Variants in THBS4 observed in about 807,000 individuals in gnomAD.
The protein encoded by THBS4 is thrombospondin 4, also known as thrombospondin-4.
A neutral mutation model predicts 115.7 loss-of-function variants in THBS4; 90 were observed. The ratio of observed to expected loss-of-function variants is 0.78; its 90% CI spans 0.66 to 0.93. THBS4 has a LOEUF of 0.93. THBS4 is among the 40% of genes least tolerant of loss of function. THBS4 has a pLI of 0.00. For synonymous variants in THBS4, 460 were observed against 479.3 expected, an observed-to-expected ratio of 0.96 and a Z score of 0.53; for missense variants, 1,087 against 1,232.7, an observed-to-expected ratio of 0.88 and a Z score of 1.77.
At chr5:80,065,883 G>A (rs1028240359) in intron 9 of THBS4, among the ~76,000 whole-genome samples, 3 of 152,000 alleles carry the variant, frequency 2.0e-5, no homozygotes, top group Non-Finnish European at 4.4e-5. Context: ...ATGGGGTCAG[G>A]AGATCGAGAC....
intron 2 of THBS4, among the ~76,000 whole-genome samples, chr5:80,040,915 G>A (rs1034470189): frequency 3.3e-5 from 5 of 152,104 alleles, no homozygotes; most frequent in Non-Finnish European, 5.9e-5. Flanking sequence ...GAGGGGCACC[G>A]TAGCTTTATA....
intron 5 of THBS4, 145 bp from the exon 6 acceptor site, chr5:80,059,295 A>G (rs755582968): frequency 4.2e-4 from 320 of 770,322 alleles, no homozygotes; most frequent in Non-Finnish European, 5.8e-4. Flanking sequence ...GTGCCACTGC[A>G]CTCCAGCCTG....
intron 2 of THBS4, among the ~76,000 whole-genome samples, chr5:80,000,927 A>AT (rs959088766): frequency 6.6e-6 from 1 of 151,976 alleles, no homozygotes; most frequent in South Asian, 2.1e-4. Flanking sequence ...TCTTTCTCTG[A>AT]TTTTTTTTAT....
intron 1 of THBS4, among the ~76,000 whole-genome samples, chr5:80,037,163 T>C (rs1382200925): frequency 1.3e-5 from 2 of 152,212 alleles, no homozygotes; most frequent in African/African-American, 2.4e-5. Flanking sequence ...TTCTTGACTT[T>C]TGAACATACA....
At chr5:80,077,175 C>G (rs1372749323) in intron 16 of THBS4, 127 bp downstream of exon 16, 2 of 883,532 alleles carry the variant, frequency 2.3e-6, no homozygotes, top group East Asian at 5.3e-5. Flanking sequence ...TTCTCTACAC[C>G]CAGCTTCTCT....
chr5:80,059,059 C>T (rs541897807), intron 5 of THBS4, among the ~76,000 whole-genome samples: 20 of 152,160 alleles, frequency 1.3e-4, no homozygotes, highest in Non-Finnish European at 2.6e-4. Flanking sequence ...GAGCCAGGTG[C>T]GGTGCCTCAT....
intron 20 of THBS4, among the ~76,000 whole-genome samples, chr5:80,081,033 C>T (rs1269113550): frequency 1.3e-5 from 2 of 151,984 alleles, no homozygotes; most frequent in African/African-American, 2.4e-5. Flanking sequence ...TAAGTATTCT[C>T]GGGAGTTAGG....
chr5:80,058,105 A>G (rs1261859456), intron 3 of THBS4, 101 bp from the exon 4 acceptor site: 3 of 820,800 alleles, frequency 3.7e-6, no homozygotes, highest in Admixed American at 2.3e-5. Context: ...AGAGGGTCCA[A>G]GTATACAGGA....
At chr5:80,018,389 C>CTTTTTTT (rs35373315) in intron 2 of THBS4, among the ~76,000 whole-genome samples, 3 of 99,972 alleles carry the variant, frequency 3.0e-5, no homozygotes, top group African/African-American at 4.3e-5. Context: ...TTCAAATATA[C>CTTTTTTT]TTTTTTTTTT....
At chr5:80,042,293 G>A (rs1467097783) in intron 2 of THBS4, among the ~76,000 whole-genome samples, 1 of 152,196 alleles carries the variant, frequency 6.6e-6, no homozygotes, top group African/African-American at 2.4e-5. Flanking sequence ...TGACAACCCA[G>A]CTACTCAGTT....
intron 2 of THBS4, among the ~76,000 whole-genome samples, chr5:80,004,953 G>T (rs1353900926): frequency 6.6e-6 from 1 of 151,946 alleles, no homozygotes; most frequent in African/African-American, 2.4e-5. Context: ...ACCCAGGCTG[G>T]TCTCAAACTT....
rs886442792 is a variant in THBS4 at position 80,035,511 on chromosome 5, G to T, written c.-27G>T. ...GGGGCCAACGCCGCCGTCGCCCCCG[G>T]CCTCGCGGGGAGCAGGAAGAGCCAA... is the stretch of plus-strand genomic sequence containing the variant. On this transcript the variant is annotated 5_prime_UTR_variant, in exon 1 of 22. Transcript: ENST00000350881. This position sits in a 1 kb window ranked among gnomAD's most constrained non-coding sequence, Gnocchi z 4.6. 6.8e-6 allele frequency: 9 copies of T among 1,316,568 alleles called. No individual in the cohort carries two copies. Among genetic ancestry groups the T allele is most frequent in the Non-Finnish European group, 8.7e-6 (9 of 1,032,618 alleles). 81.6% of individuals were successfully genotyped at this position (1,316,568 alleles called of 1,614,324 possible). A position where few individuals can be genotyped will look rare whatever the true frequency, so the allele number is the denominator to read the frequency against.
chr5:80,078,924 A>C lies in THBS4; in HGVS notation c.2269A>C (p.Met757Leu). The change falls in exon 18 of 22, where the codon ATG (methionine) becomes CTG (leucine). Residue 757 changes from methionine (M) to leucine (L), a missense_variant. Transcript: ENST00000350881. Reference sequence around the variant, plus strand: ...ACTCCCTCAACTCTCTCTGCAGGGCATGGAGATTGTACAGACCATGAACAG... The same window carrying C: ...ACTCCCTCAACTCTCTCTGCAGGGCCTGGAGATTGTACAGACCATGAACAG... Reference protein sequence around the residue: ...DPNWVVLNQGMEIVQTMNSDP... With the variant: ...DPNWVVLNQGLEIVQTMNSDP... 1.2e-6 allele frequency: 2 copies of C among 1,613,936 alleles called. No individual in the cohort carries two copies. Among genetic ancestry groups the C allele is most frequent in the Non-Finnish European group, 8.5e-7 (1 of 1,179,846 alleles).
chr5:80,028,538 A>G (rs1300600814), intron 2 of THBS4, among the ~76,000 whole-genome samples: 1 of 148,746 alleles, frequency 6.7e-6, no homozygotes, highest in Non-Finnish European at 1.5e-5. Context: ...GGCTCACTGC[A>G]ACCTCCACCT....
intron 2 of THBS4, among the ~76,000 whole-genome samples, chr5:80,042,693 A>G (rs923632486): frequency 6.6e-5 from 10 of 152,148 alleles, no homozygotes; most frequent in Non-Finnish European, 1.5e-5. Flanking sequence ...CAGTTGATCA[A>G]ATATTTTAGG....
upstream of THBS4, among the ~76,000 whole-genome samples, chr5:80,034,702 T>A (rs866076912): frequency 7.2e-5 from 11 of 152,204 alleles, no homozygotes; most frequent in African/African-American, 2.4e-4. Context: ...TAGAAATGGC[T>A]CTGTCTGGAT....
chr5:80,006,787 A>G (rs192271539), intron 2 of THBS4, among the ~76,000 whole-genome samples: 1 of 152,318 alleles, frequency 6.6e-6, no homozygotes, highest in East Asian at 1.9e-4. Flanking sequence ...TAATGGGTAC[A>G]ATGTATGTTA....
intron 3 of THBS4, 133 bp downstream of exon 3, chr5:80,056,165 C>T (rs1448254666): frequency 1.3e-5 from 15 of 1,156,696 alleles, no homozygotes; most frequent in Non-Finnish European, 1.8e-5. Flanking sequence ...GAATCACCTG[C>T]GGAGCTTGAA....
chr5:80,028,815 TCTC>T (rs1832529607), intron 2 of THBS4, among the ~76,000 whole-genome samples: 4 of 152,256 alleles, frequency 2.6e-5, no homozygotes, highest in African/African-American at 9.6e-5. Context: ...ATTTCTGGCT[TCTC>T]CTTCTACTAG....
Sources: gnomAD v4.1 joint callset for allele counts (sites outside exome capture counted in the v4.1 genomes callset) on GRCh38, gnomAD v4.1.1 for gene constraint, Gnocchi (gnomAD v3.1) non-coding constraint, MANE v1.5 for transcripts, NCBI Gene and HGNC (gene_info 2026-07-23, HGNC 2026-07-21) for gene names.